Variants in CPNE8 observed in about 807,000 individuals in gnomAD.
The protein encoded by CPNE8 is copine 8, also known as copine-8.
CPNE8 carries 45 observed loss-of-function variants against 81.5 expected under a neutral mutation model. That is an observed-to-expected ratio of 0.55 (90% CI 0.44 to 0.71). The LOEUF (loss-of-function observed/expected upper bound fraction) is 0.71. CPNE8 is among the 30% of genes least tolerant of loss of function. The pLI is 0.00. For synonymous variants in CPNE8, 252 were observed against 226.3 expected, an observed-to-expected ratio of 1.11 and a Z score of -1.02; for missense variants, 594 against 672.1, an observed-to-expected ratio of 0.88 and a Z score of 1.28.
intron 13 of CPNE8, among the ~76,000 whole-genome samples, chr12:38,710,268 C>CAAATAAAAAAAA (rs1940217892): frequency 2.0e-5 from 1 of 50,266 alleles, no homozygotes; most frequent in Non-Finnish European, 3.8e-5. Flanking sequence ...AATAAGCTAA[C>CAAATAAAAAAAA]AAAAAAAAAA....
intron 3 of CPNE8, among the ~76,000 whole-genome samples, chr12:38,849,278 G>C (rs1208798608): frequency 6.6e-6 from 1 of 152,082 alleles, no homozygotes; most frequent in African/African-American, 2.4e-5. Flanking sequence ...TAGAAAAGTG[G>C]AAAACAGGAA....
intron 6 of CPNE8, among the ~76,000 whole-genome samples, chr12:38,807,386 A>G (rs1942834259): frequency 1.3e-5 from 2 of 151,246 alleles, no homozygotes; most frequent in Admixed American, 1.3e-4. Context: ...ACAGCATGGG[A>G]CTAGTACCAA....
intron 14 of CPNE8, among the ~76,000 whole-genome samples, chr12:38,694,649 A>G (rs1939754449): frequency 6.6e-6 from 1 of 152,218 alleles, no homozygotes; most frequent in African/African-American, 2.4e-5. Flanking sequence ...ATTGAGAGAA[A>G]GTGTAATGTA....
At chr12:38,759,028 A>G (rs1384229218) in intron 10 of CPNE8, among the ~76,000 whole-genome samples, 2 of 152,154 alleles carry the variant, frequency 1.3e-5, no homozygotes, top group Non-Finnish European at 2.9e-5. Flanking sequence ...ACCATTTCTC[A>G]TGTGCCCAAA....
chr12:38,834,370 CT>C (rs1314742694), intron 5 of CPNE8, among the ~76,000 whole-genome samples: 1 of 152,124 alleles, frequency 6.6e-6, no homozygotes, highest in Non-Finnish European at 1.5e-5. Context: ...CCTCACCCCC[CT>C]GCCTCAATCT....
intron 6 of CPNE8, among the ~76,000 whole-genome samples, chr12:38,795,169 T>A (rs566545110): frequency 6.6e-6 from 1 of 152,346 alleles, no homozygotes; most frequent in South Asian, 2.1e-4. Context: ...TGCTACTAGC[T>A]TCCTTGCTCC....
intron 13 of CPNE8, among the ~76,000 whole-genome samples, chr12:38,716,596 G>C (rs1194225910): frequency 6.6e-6 from 1 of 151,970 alleles, no homozygotes; most frequent in African/African-American, 2.4e-5. Context: ...ACATGTAGAA[G>C]AATGGAACTG....
intron 3 of CPNE8, among the ~76,000 whole-genome samples, chr12:38,855,952 C>A (rs1943726297): frequency 2.0e-5 from 3 of 151,682 alleles, no homozygotes; most frequent in Admixed American, 2.0e-4. Context: ...ATGGACAAGC[C>A]TTTACCTAAA....
chr12:38,787,266 T>TACA (rs773728582), intron 6 of CPNE8, among the ~76,000 whole-genome samples: 5 of 152,094 alleles, frequency 3.3e-5, no homozygotes, highest in Non-Finnish European at 5.9e-5. Flanking sequence ...TTTCTCTGAC[T>TACA]ACAATGTAAT....
intron 10 of CPNE8, among the ~76,000 whole-genome samples, chr12:38,742,933 A>T (rs931695714): frequency 6.6e-6 from 1 of 151,908 alleles, no homozygotes; most frequent in Non-Finnish European, 1.5e-5. Context: ...AGTTTATTTC[A>T]TGTGTGCATC....
At chr12:38,793,511 C>A (rs897219353) in intron 6 of CPNE8, among the ~76,000 whole-genome samples, 4 of 151,606 alleles carry the variant, frequency 2.6e-5, no homozygotes, top group Admixed American at 2.0e-4. Context: ...ATAAACCTAA[C>A]CAAGAAGTGA....
chr12:38,727,633 G>A (rs1375375726), intron 11 of CPNE8, among the ~76,000 whole-genome samples: 2 of 152,162 alleles, frequency 1.3e-5, no homozygotes, highest in Admixed American at 1.3e-4. Flanking sequence ...CCTATCTCCA[G>A]GACATTTGTT....
intron 6 of CPNE8, among the ~76,000 whole-genome samples, chr12:38,798,824 C>T (rs934643741): frequency 6.6e-6 from 1 of 152,064 alleles, no homozygotes; most frequent in Non-Finnish European, 1.5e-5. Context: ...CAGAGACACA[C>T]ATAGGCTCAA....
chr12:38,711,950 T>C (rs1441945723), intron 13 of CPNE8, among the ~76,000 whole-genome samples: 1 of 152,144 alleles, frequency 6.6e-6, no homozygotes, highest in African/African-American at 2.4e-5. Context: ...GTGAAAATAT[T>C]TATAGAAGGC....
At chr12:38,733,738 G>C (rs952072121) in intron 10 of CPNE8, among the ~76,000 whole-genome samples, 9 of 151,852 alleles carry the variant, frequency 5.9e-5, no homozygotes. Flanking sequence ...CACGTATTTT[G>C]AGCAAATTGA....
chr12:38,762,966 C>T (rs1462791706), intron 8 of CPNE8, among the ~76,000 whole-genome samples: 1 of 152,216 alleles, frequency 6.6e-6, no homozygotes, highest in Admixed American at 6.5e-5. Context: ...TCATGCAATC[C>T]TCCTGCCTCA....
chr12:38,748,073 C>T (rs1460588213), intron 10 of CPNE8, among the ~76,000 whole-genome samples: 1 of 151,972 alleles, frequency 6.6e-6, no homozygotes, highest in Admixed American at 6.5e-5. Context: ...TGCAATGGCG[C>T]GATCTCGGCT....
rs376271524 is a variant in CPNE8 at position 38,829,603 on chromosome 12, T to C, written c.331-148A>G. ...ATAAGTAAAATAAGCTCAATATGCA[T>C]TAATCTTACCATGTGACTTTCACAT... On this transcript the variant is annotated intron_variant, in intron 5 of 19. Transcript: ENST00000331366. 7.4e-4 allele frequency: 436 copies of C among 587,640 alleles called. 3 individuals carry two copies. The highest frequency in any genetic ancestry group is 6.2e-3 in the East Asian group (228 of 36,910). The allele number at this position is 587,640 out of a possible 1,614,324, so 36.4% of individuals were successfully genotyped here.
intron 6 of CPNE8, among the ~76,000 whole-genome samples, chr12:38,820,364 C>A (rs1342333456): frequency 6.6e-6 from 1 of 151,654 alleles, no homozygotes; most frequent in East Asian, 1.9e-4. Flanking sequence ...GAGATTGTGC[C>A]ACTCTACTCC....
Sources: allele counts gnomAD v4.1 joint callset (sites outside exome capture counted in the v4.1 genomes callset), GRCh38; gene constraint gnomAD v4.1.1; transcripts MANE v1.5; gene names NCBI Gene and HGNC (gene_info 2026-07-23, HGNC 2026-07-21).